PCGF5: variants seen among roughly 807,000 people sequenced by gnomAD.
The protein encoded by PCGF5 is polycomb group RING finger protein 5.
Under a neutral mutation model 44.3 loss-of-function variants are expected in PCGF5, and 9 were observed. That is an observed-to-expected ratio of 0.20 (90% CI 0.12 to 0.35). PCGF5 has a LOEUF of 0.35. Among genes scored for constraint, PCGF5 ranks in the 10% least tolerant of loss-of-function variants. The pLI, the probability that PCGF5 is intolerant of heterozygous loss-of-function variation, is 1.00. For missense variants in PCGF5, 146 were observed against 305.3 expected (o/e 0.48, Z 3.89); for synonymous variants, 95 against 102.5 (o/e 0.93, Z 0.44).
intron 9 of PCGF5, among the ~76,000 whole-genome samples, chr10:91,272,161 A>G (rs893172212): frequency 6.6e-6 from 1 of 152,230 alleles, no homozygotes; most frequent in African/African-American, 2.4e-5. Flanking sequence ...ACCTCTTTAA[A>G]AATGATAGTG....
rs141128141 is a variant in PCGF5 at position 91,180,596 on chromosome 10, A to G, written c.-184+17515A>G. ...ACAGCACCATTTATTTATGCTATTT[A>G]TGAATAGGGAATCCTTTCCCCATTG... On this transcript the variant is annotated intron_variant, in intron 1 of 9. Coordinates refer to the PCGF5 transcript ENST00000614189. Among the ~76,000 whole-genome samples the G allele has an allele frequency of 1.7e-3, 265 of 151,968 alleles. 1 individual carries two copies. The highest frequency in any genetic ancestry group is 3.4e-3 in the Middle Eastern group (1 of 294).
intron 1 of PCGF5, among the ~76,000 whole-genome samples, chr10:91,171,413 G>T (rs541287123): frequency 6.6e-6 from 1 of 152,126 alleles, no homozygotes; most frequent in Admixed American, 6.6e-5. Flanking sequence ...TTGGGTTTGC[G>T]CAGTGGGGAG....
At chr10:91,258,001 A>G (rs1845799816) in intron 6 of PCGF5, among the ~76,000 whole-genome samples, 1 of 152,132 alleles carries the variant, frequency 6.6e-6, no homozygotes, top group Non-Finnish European at 1.5e-5. Context: ...ATGCTACAAA[A>G]TAGATGAATC....
chr10:91,162,000 G>A (rs1343517064), upstream of PCGF5, among the ~76,000 whole-genome samples: 1 of 151,966 alleles, frequency 6.6e-6, no homozygotes, highest in Non-Finnish European at 1.5e-5. Context: ...CAGGAAGACT[G>A]CACAGAGATG....
chr10:91,190,044 G>A (rs1589359996), intron 1 of PCGF5, among the ~76,000 whole-genome samples: 1 of 152,090 alleles, frequency 6.6e-6, no homozygotes, highest in African/African-American at 2.4e-5. Flanking sequence ...AAACTGTATG[G>A]TTTATATACA....
At chr10:91,249,608 A>T (rs1047640588) in intron 5 of PCGF5, among the ~76,000 whole-genome samples, 1 of 151,636 alleles carries the variant, frequency 6.6e-6, no homozygotes, top group Non-Finnish European at 1.5e-5. Flanking sequence ...AGATCATAGG[A>T]TTGTCAATTA....
At chr10:91,251,148 C>A (rs528255563) in intron 5 of PCGF5, 144 bp from the exon 6 acceptor site, 2 of 436,602 alleles carry the variant, frequency 4.6e-6, no homozygotes. Flanking sequence ...TTGGTTGGAA[C>A]ATTTTAAAGA....
chr10:91,184,973 C>A (rs1390899360), intron 1 of PCGF5, among the ~76,000 whole-genome samples: 1 of 152,194 alleles, frequency 6.6e-6, no homozygotes, highest in East Asian at 1.9e-4. Flanking sequence ...TGTGAGGTCT[C>A]ACCCAGTCAG....
intron 1 of PCGF5, among the ~76,000 whole-genome samples, chr10:91,195,451 TGCATATATATATATGCATGC>T (rs1844112259): frequency 7.7e-6 from 1 of 130,434 alleles, no homozygotes; most frequent in South Asian, 2.5e-4. Context: ...TGTATATATA[TGCATATATATATATGCATGC>T]ATATATATAT....
At chr10:91,200,330 T>C (rs1844226666) in intron 1 of PCGF5, among the ~76,000 whole-genome samples, 1 of 152,234 alleles carries the variant, frequency 6.6e-6, no homozygotes, top group Non-Finnish European at 1.5e-5. Flanking sequence ...CAGGGTTCTT[T>C]ATGCTGATTA....
At chr10:91,177,610 C>T (rs1343812107) in intron 1 of PCGF5, among the ~76,000 whole-genome samples, 1 of 152,216 alleles carries the variant, frequency 6.6e-6, no homozygotes, top group East Asian at 1.9e-4. Flanking sequence ...CAATGGTGGG[C>T]GCCCGTCCCC....
intron 1 of PCGF5, among the ~76,000 whole-genome samples, chr10:91,177,883 G>A (rs754567298): frequency 6.6e-6 from 1 of 152,170 alleles, no homozygotes; most frequent in Non-Finnish European, 1.5e-5. Context: ...CCCTGCTTCA[G>A]CTCACACTTG....
intron 2 of PCGF5, among the ~76,000 whole-genome samples, chr10:91,237,059 G>C (rs552874059): frequency 1.3e-5 from 2 of 152,174 alleles, no homozygotes; most frequent in South Asian, 2.1e-4. Context: ...TTCAAATATT[G>C]GTTTTAACCA....
At chr10:91,207,918 T>A (rs1330092014) in intron 1 of PCGF5, among the ~76,000 whole-genome samples, 2 of 152,204 alleles carry the variant, frequency 1.3e-5, no homozygotes, top group Non-Finnish European at 2.9e-5. Context: ...TGCTGTTAGA[T>A]GCAATCACTG....
intron 1 of PCGF5, among the ~76,000 whole-genome samples, chr10:91,191,830 A>T (rs927489308): frequency 6.6e-6 from 1 of 152,202 alleles, no homozygotes; most frequent in Non-Finnish European, 1.5e-5. Context: ...GTGAGCATTC[A>T]TGTTGGATCC....
intron 5 of PCGF5, 76 bp from the exon 6 acceptor site, chr10:91,251,216 A>G: frequency 8.5e-7 from 1 of 1,175,354 alleles, no homozygotes; most frequent in Non-Finnish European, 1.2e-6. Flanking sequence ...TTTTGTTTTG[A>G]TTATCAATGT....
chr10:91,197,757 A>G (rs143901840), intron 1 of PCGF5, among the ~76,000 whole-genome samples: 33 of 152,232 alleles, frequency 2.2e-4, no homozygotes, highest in African/African-American at 7.7e-4. Flanking sequence ...TATTTTCAGT[A>G]CACTTTCATT....
chr10:91,261,246 G>A (rs976081517), intron 6 of PCGF5, 80 bp from the exon 7 acceptor site: 1 of 1,349,912 alleles, frequency 7.4e-7, no homozygotes, highest in South Asian at 2.0e-5. Flanking sequence ...AGTGAAACTG[G>A]TAGCTATGGT....
chr10:91,186,084 C>A (rs1050691903), intron 1 of PCGF5, among the ~76,000 whole-genome samples: 7 of 152,192 alleles, frequency 4.6e-5, no homozygotes, highest in Non-Finnish European at 1.0e-4. Flanking sequence ...TTGATGACAT[C>A]TTGAATTTCC....
Sources: gnomAD v4.1 joint callset for allele counts (sites outside exome capture counted in the v4.1 genomes callset) on GRCh38, gnomAD v4.1.1 for gene constraint, MANE v1.5 for transcripts, NCBI Gene and HGNC (gene_info 2026-07-23, HGNC 2026-07-21) for gene names.